Variants in ZNF860 observed in about 807,000 individuals in gnomAD.
The protein encoded by ZNF860 is zinc finger protein 860.
For missense variants in ZNF860, 641 were observed against 759.2 expected, an observed-to-expected ratio of 0.84 and a Z score of 1.83; for synonymous variants, 206 against 248.9, an observed-to-expected ratio of 0.83 and a Z score of 1.62.
chr3:31,996,355 T>TC (rs574866941), downstream of ZNF860, among the ~76,000 whole-genome samples: 711 of 152,198 alleles, frequency 4.7e-3, 4 homozygotes, highest in African/African-American at 0.015. Context: ...CTCTAAACTC[T>TC]CCCCCCCGTG....
chr3:32,005,312 A>T, the ZNF860 span, among the ~76,000 whole-genome samples: 1 of 152,136 alleles, frequency 6.6e-6, no homozygotes, highest in Non-Finnish European at 1.5e-5. Flanking sequence ...GCTGGAAAGT[A>T]TTCCACAGGT....
the ZNF860 span, among the ~76,000 whole-genome samples, chr3:32,001,262 C>T: frequency 2.0e-5 from 3 of 152,114 alleles, no homozygotes; most frequent in Admixed American, 6.6e-5. Flanking sequence ...GAGAACTTCC[C>T]GGTCTCCAAC....
chr3:31,985,684 A>G (rs1198981719), intron 1 of ZNF860, among the ~76,000 whole-genome samples: 1 of 152,248 alleles, frequency 6.6e-6, no homozygotes, highest in Admixed American at 6.5e-5. Flanking sequence ...AGAGAAAATT[A>G]TCACAACCAG....
downstream of ZNF860, among the ~76,000 whole-genome samples, chr3:31,996,157 C>G (rs144544726): frequency 4.2e-3 from 633 of 152,246 alleles, 3 homozygotes; most frequent in African/African-American, 0.014. Context: ...TCTGACTTCC[C>G]CACAGGTAAA....
chr3:31,988,232 C>T (rs1240815216), intron 1 of ZNF860, among the ~76,000 whole-genome samples: 1 of 152,172 alleles, frequency 6.6e-6, no homozygotes, highest in Non-Finnish European at 1.5e-5. Context: ...TTTAGTTTCA[C>T]AGATCAGAGG....
At position 31,990,677 on chromosome 3, in the gene ZNF860, C is replaced by G; in HGVS notation, c.1598C>G (p.Thr533Ser). The G allele has an allele frequency of 6.2e-7, 1 of 1,614,154 alleles. No individual in the cohort carries two copies. The highest frequency in any genetic ancestry group is 8.5e-7 in the Non-Finnish European group (1 of 1,180,012). ...CTTGCACGTCATCATAGACTTCATA[C>G]TGGAGAGAAACCTTACAAATGTGAA... ...ATLARHHRLH[T>S]GEKPYKCEEC... Residue 533 changes from threonine (T) to serine (S), a missense_variant, in exon 2 of 2, where the codon ACT becomes AGT. Physicochemically the swap from Thr to Ser is moderately conservative, Grantham distance 58. Transcript: ENST00000360311.
the ZNF860 span, among the ~76,000 whole-genome samples, chr3:32,000,630 C>G: frequency 6.6e-6 from 1 of 152,194 alleles, no homozygotes; most frequent in Admixed American, 6.5e-5. Flanking sequence ...GTTTGTCAGC[C>G]CTTCCTCGTG....
rs34434923 is a variant in ZNF860, at chr3:31,991,313, A to G, written c.*335A>G. 0.025 allele frequency: 6,447 copies of G among 259,254 alleles called. 187 individuals are homozygous for G. Among genetic ancestry groups the G allele is most frequent in the African/African-American group, 0.093 (4,104 of 44,314 alleles). 16.1% of individuals were successfully genotyped at this position (259,254 alleles called of 1,614,324 possible). A position where few individuals can be genotyped will look rare whatever the true frequency, so the allele number is the denominator to read the frequency against. On this transcript the variant is annotated 3_prime_UTR_variant, in exon 2 of 2. Transcript: ENST00000360311. Reference sequence around the variant, plus strand: ...TTTTTTGTTTCTGATAGGGATTTTTATGGGTATTGTGTTGAATCTAAATCA... The same window carrying G: ...TTTTTTGTTTCTGATAGGGATTTTTGTGGGTATTGTGTTGAATCTAAATCA...
the ZNF860 span, among the ~76,000 whole-genome samples, chr3:32,004,650 C>A: frequency 6.6e-6 from 1 of 152,116 alleles, no homozygotes; most frequent in African/African-American, 2.4e-5. Context: ...TCTGAGTTTT[C>A]TTTCAACAAA....
the ZNF860 span, among the ~76,000 whole-genome samples, chr3:32,005,604 T>G: frequency 6.6e-6 from 1 of 152,322 alleles, no homozygotes; most frequent in Admixed American, 6.5e-5. Context: ...TTGCTTTTTC[T>G]CTGAGATGGA....
downstream of ZNF860, among the ~76,000 whole-genome samples, chr3:31,992,288 A>G (rs1018730985): frequency 2.6e-5 from 4 of 152,236 alleles, no homozygotes; most frequent in African/African-American, 9.6e-5. Flanking sequence ...AGGCAATTCA[A>G]TGCAGCTTTT....
chr3:31,993,665 C>T (rs896324688), downstream of ZNF860, among the ~76,000 whole-genome samples: 1 of 143,188 alleles, frequency 7.0e-6, no homozygotes, highest in African/African-American at 2.9e-5. Context: ...TACCTATTAA[C>T]ATGACTACAC....
downstream of ZNF860, among the ~76,000 whole-genome samples, chr3:31,992,054 G>A (rs1199876966): frequency 3.3e-5 from 5 of 151,310 alleles, no homozygotes; most frequent in Non-Finnish European, 7.4e-5. Context: ...GCTGAGGCAG[G>A]AGAATCACTT....
the ZNF860 span, among the ~76,000 whole-genome samples, chr3:31,998,593 A>C: frequency 2.6e-5 from 4 of 152,220 alleles, no homozygotes; most frequent in African/African-American, 7.2e-5. Context: ...CTTTCATTGG[A>C]TCTTTTTCAA....
chr3:31,995,572 C>T (rs567907181), downstream of ZNF860, among the ~76,000 whole-genome samples: 27 of 152,250 alleles, frequency 1.8e-4, no homozygotes, highest in African/African-American at 6.3e-4. Flanking sequence ...TTCAAACACA[C>T]ATGTTTTACA....
chr3:31,996,736 CA>C, the ZNF860 span, among the ~76,000 whole-genome samples: 1 of 151,942 alleles, frequency 6.6e-6, no homozygotes, highest in Non-Finnish European at 1.5e-5. Context: ...AGAAAGAAAG[CA>C]AAAGCCGAAA....
chr3:32,003,712 G>GACCTGGGCATCGGAGGTCATGTGTCC, the ZNF860 span, among the ~76,000 whole-genome samples: 2 of 152,146 alleles, frequency 1.3e-5, no homozygotes, highest in Non-Finnish European at 2.9e-5. Flanking sequence ...GGTCCAGGTG[G>GACCTGGGCATCGGAGGTCATGTGTCC]ACCTGGGCAT....
chr3:31,986,062 T>C (rs1408582465), intron 1 of ZNF860, among the ~76,000 whole-genome samples: 5 of 152,206 alleles, frequency 3.3e-5, no homozygotes, highest in African/African-American at 1.2e-4. Context: ...CTCTACTTAA[T>C]GAAACTGCAG....
At chr3:31,988,466 C>G (rs1401163525) in intron 1 of ZNF860, among the ~76,000 whole-genome samples, 194 bp from the exon 2 acceptor site, 2 of 152,190 alleles carry the variant, frequency 1.3e-5, no homozygotes, top group African/African-American at 2.4e-5. Context: ...ATAGATTCCT[C>G]TCCTTTAGAG....
Sources: gnomAD v4.1 joint callset for allele counts (sites outside exome capture counted in the v4.1 genomes callset) on GRCh38, gnomAD v4.1.1 for gene constraint, MANE v1.5 for transcripts, NCBI Gene and HGNC (gene_info 2026-07-23, HGNC 2026-07-21) for gene names.